The following PTBP3 variants were observed in gnomAD, a reference collection of about 807,000 sequenced individuals.
PTBP3 encodes polypyrimidine tract binding protein 3.
In PTBP3, 20 loss-of-function variants were observed where a neutral mutation model predicts 58.7. The observed-to-expected ratio is 0.34, with a 90% CI of 0.24 to 0.50. PTBP3 has a LOEUF of 0.50. PTBP3 is among the 20% of genes least tolerant of loss of function. The pLI is 0.98. For missense variants in PTBP3, 509 were observed against 637.2 expected, an observed-to-expected ratio of 0.80 and a Z score of 2.17; for synonymous variants, 185 against 219.8, an observed-to-expected ratio of 0.84 and a Z score of 1.40.
intron 2 of PTBP3, among the ~76,000 whole-genome samples, chr9:112,290,684 AAAAAT>A (rs1444506807): frequency 1.7e-4 from 10 of 60,372 alleles, no homozygotes; most frequent in African/African-American, 9.6e-4. Context: ...AAAAAAAAAA[AAAAAT>A]ATATATATAT....
rs181932049 is a variant in PTBP3, at chr9:112,283,066, G to A, written c.35-7053C>T. ...CTTCTGCCATGATTGTAAATTTCCTGAGGCCTCGCCTGCCATGTGAAACTA... is the reference window on the plus strand; with the variant it reads ...CTTCTGCCATGATTGTAAATTTCCTAAGGCCTCGCCTGCCATGTGAAACTA... On this transcript the variant is annotated intron_variant, in intron 2 of 13. Coordinates refer to ENST00000374257, the MANE Select transcript of PTBP3 (RefSeq NM_001163788.4). Among the ~76,000 whole-genome samples, 370 of 152,270 alleles carry A rather than the reference G, an allele frequency of 2.4e-3. 1 individual carries two copies. The highest frequency in any genetic ancestry group is 8.7e-3 in the African/African-American group (363 of 41,542).
chr9:112,315,297 T>TAA (rs879514503), intron 1 of PTBP3, among the ~76,000 whole-genome samples: 1 of 143,942 alleles, frequency 6.9e-6, no homozygotes, highest in African/African-American at 2.5e-5. Context: ...TAGTAAGCTT[T>TAA]AAAAAAAAAA....
At chr9:112,309,824 A>T (rs1829405220) in intron 1 of PTBP3, among the ~76,000 whole-genome samples, 1 of 152,040 alleles carries the variant, frequency 6.6e-6, no homozygotes, top group Non-Finnish European at 1.5e-5. Flanking sequence ...AACTATAGAG[A>T]TAAAGGAATA....
chr9:112,220,900 C>T lies in PTBP3; in HGVS notation c.*2951G>A, dbSNP rs916934905. 2.0e-5 allele frequency: 19 copies of T among 968,344 alleles called. No individual in the cohort carries two copies. Among genetic ancestry groups the T allele is most frequent in the Middle Eastern group, 5.2e-4 (1 of 1,908 alleles). The allele number at this position is 968,344 out of a possible 1,614,324, so 60.0% of individuals were successfully genotyped here. On this transcript the variant is annotated 3_prime_UTR_variant, in exon 14 of 14. Coordinates refer to ENST00000374257, the MANE Select transcript of PTBP3 (RefSeq NM_001163788.4). ...AAATAAACTTAAAAATAGGATACTA[C>T]GGTAGATCAACAGAGAAAAACCATT...
chr9:112,298,043 C>T, intron 1 of PTBP3, 127 bp from the exon 2 acceptor site: 1 of 678,248 alleles, frequency 1.5e-6, no homozygotes, highest in Non-Finnish European at 2.4e-6. Context: ...GGGAACTCCT[C>T]AAGAATCACA....
In PTBP3 at chr9:112,287,419, A is replaced by C. The variant is rs1198612713; in HGVS notation, c.34+10413T>G. ...AAGTGGTACGATCTCGGCTCACTGC[A>C]ACCTCCGCCCCCGGGGGTTCAAGCA... On this transcript the variant is annotated intron_variant, in intron 2 of 13. Coordinates refer to ENST00000374257, the MANE Select transcript of PTBP3 (RefSeq NM_001163788.4). Among the ~76,000 whole-genome samples, 5 of 137,326 alleles carry C rather than the reference A, an allele frequency of 3.6e-5. No homozygotes were observed. The East Asian group carries it at 1.1e-3, about 30-fold the overall frequency. 90.1% of individuals were successfully genotyped at this position (137,326 alleles called of 152,430 possible).
chr9:112,362,028 A>G, the PTBP3 span, among the ~76,000 whole-genome samples: 1 of 152,196 alleles, frequency 6.6e-6, no homozygotes, highest in Non-Finnish European at 1.5e-5. Context: ...TGCCATTAGT[A>G]TATCTTCTTT....
intron 1 of PTBP3, among the ~76,000 whole-genome samples, chr9:112,326,777 A>G (rs1239381505): frequency 1.3e-5 from 2 of 152,244 alleles, no homozygotes; most frequent in Non-Finnish European, 2.9e-5. Context: ...GTTAATAATT[A>G]AAGTATAAGC....
chr9:112,257,105 A>AC (rs1836400078), intron 5 of PTBP3, among the ~76,000 whole-genome samples: 1 of 152,206 alleles, frequency 6.6e-6, no homozygotes, highest in Non-Finnish European at 1.5e-5. Context: ...GGCCTAAAGC[A>AC]CATCCTGGGA....
chr9:112,242,407 A>AT (rs1835694563), intron 7 of PTBP3: 1 of 36,012 alleles, frequency 2.8e-5, no homozygotes, highest in Non-Finnish European at 4.4e-5. Flanking sequence ...CGGAGCACTA[A>AT]AATAATTTAC....
intron 7 of PTBP3, among the ~76,000 whole-genome samples, chr9:112,241,742 T>A (rs1035628844): frequency 6.6e-6 from 1 of 152,220 alleles, no homozygotes; most frequent in African/African-American, 2.4e-5. Flanking sequence ...GAAATTATCA[T>A]CACAATCAAG....
chr9:112,296,990 T>A (rs1828716549), intron 2 of PTBP3, among the ~76,000 whole-genome samples: 1 of 152,134 alleles, frequency 6.6e-6, no homozygotes, highest in South Asian at 2.1e-4. Flanking sequence ...ATTACAGCAA[T>A]AATCCAAATA....
the PTBP3 span, among the ~76,000 whole-genome samples, chr9:112,378,667 C>T: frequency 6.6e-6 from 1 of 152,206 alleles, no homozygotes; most frequent in Non-Finnish European, 1.5e-5. Context: ...TAATGCTTAA[C>T]AACAGTCTAA....
chr9:112,260,697 A>T (rs1340695720), intron 5 of PTBP3, among the ~76,000 whole-genome samples: 1 of 152,088 alleles, frequency 6.6e-6, no homozygotes, highest in Non-Finnish European at 1.5e-5. Context: ...TAACCAGAAG[A>T]GTGTTAGGTA....
chr9:112,339,569 T>C, the PTBP3 span, among the ~76,000 whole-genome samples: 1 of 151,636 alleles, frequency 6.6e-6, no homozygotes, highest in Non-Finnish European at 1.5e-5. Flanking sequence ...TTTCACTCTT[T>C]TTTTTTTTTC....
At chr9:112,229,091 ACTAAT>A in intron 10 of PTBP3, among the ~76,000 whole-genome samples, 1 of 152,274 alleles carries the variant, frequency 6.6e-6, no homozygotes, top group South Asian at 2.1e-4. Flanking sequence ...TCTTATCTAT[ACTAAT>A]CTATTTATAT....
intron 1 of PTBP3, among the ~76,000 whole-genome samples, chr9:112,308,446 C>T (rs1172288742): frequency 6.6e-6 from 1 of 151,194 alleles, no homozygotes; most frequent in Non-Finnish European, 1.5e-5. Flanking sequence ...TTACAGACTA[C>T]TTCAATATAA....
At chr9:112,378,941 C>T in the PTBP3 span, among the ~76,000 whole-genome samples, 2 of 152,214 alleles carry the variant, frequency 1.3e-5, no homozygotes, top group Non-Finnish European at 2.9e-5. Context: ...AATCCCAGCA[C>T]TTTGGAAGGC....
chr9:112,325,429 CCT>C (rs1830116776), intron 1 of PTBP3, among the ~76,000 whole-genome samples: 1 of 151,876 alleles, frequency 6.6e-6, no homozygotes, highest in Non-Finnish European at 1.5e-5. Flanking sequence ...TGGCGGGACC[CCT>C]CTCTTTGCTG....
Sources: allele counts gnomAD v4.1 joint callset (sites outside exome capture counted in the v4.1 genomes callset), GRCh38; gene constraint gnomAD v4.1.1; transcripts MANE v1.5; gene names NCBI Gene and HGNC (gene_info 2026-07-23, HGNC 2026-07-21).